Variants in SLC24A4 observed in about 807,000 individuals in gnomAD.
SLC24A4 encodes sodium/potassium/calcium exchanger 4.
A neutral mutation model predicts 79.0 loss-of-function variants in SLC24A4; 53 were observed. The observed-to-expected ratio is 0.67, with a 90% CI of 0.54 to 0.84. The LOEUF (loss-of-function observed/expected upper bound fraction) is 0.84. SLC24A4 is among the 40% of genes least tolerant of loss of function. SLC24A4 has a pLI of 0.00. For missense variants in SLC24A4, 731 were observed against 822.0 expected (o/e 0.89, Z 1.35); for synonymous variants, 323 against 323.8 (o/e 1.00, Z 0.03).
intron 3 of SLC24A4, among the ~76,000 whole-genome samples, chr14:92,434,277 G>A (rs1037091428): frequency 6.6e-6 from 1 of 152,134 alleles, no homozygotes; most frequent in Non-Finnish European, 1.5e-5. Context: ...ATTACAGAGT[G>A]TGAATATGAG....
chr14:92,397,585 G>C (rs1286907233), intron 2 of SLC24A4, among the ~76,000 whole-genome samples: 1 of 152,212 alleles, frequency 6.6e-6, no homozygotes, highest in African/African-American at 2.4e-5. Context: ...GCACACAGCG[G>C]GAGGGGCAGT....
intron 5 of SLC24A4, 74 bp from the exon 6 acceptor site, chr14:92,442,639 A>C: frequency 9.4e-7 from 1 of 1,062,866 alleles, no homozygotes; most frequent in Non-Finnish European, 1.5e-6. Context: ...CTTTCCTGTG[A>C]AAGGGGGACA....
intron 2 of SLC24A4, among the ~76,000 whole-genome samples, chr14:92,395,171 C>T (rs946519993): frequency 6.6e-6 from 1 of 152,124 alleles, no homozygotes; most frequent in Non-Finnish European, 1.5e-5. Context: ...CAGCCTGGGA[C>T]CATCCTTTTG....
chr14:92,459,638 ATG>A (rs1301893027), intron 12 of SLC24A4, among the ~76,000 whole-genome samples: 1 of 152,048 alleles, frequency 6.6e-6, no homozygotes, highest in Non-Finnish European at 1.5e-5. Flanking sequence ...GCGTCTGCGG[ATG>A]TGTTTCCAGG....
At chr14:92,339,674 G>A (rs1022803304) in intron 2 of SLC24A4, among the ~76,000 whole-genome samples, 1 of 152,214 alleles carries the variant, frequency 6.6e-6, no homozygotes, top group African/African-American at 2.4e-5. Context: ...TGTAATGTAC[G>A]TTGGAACCAA....
chr14:92,345,677 G>A (rs932436504), intron 2 of SLC24A4, among the ~76,000 whole-genome samples: 1 of 152,124 alleles, frequency 6.6e-6, no homozygotes, highest in African/African-American at 2.4e-5. Flanking sequence ...ACTGCGGCCT[G>A]GGTGACAGAG....
chr14:92,367,493 G>C (rs928322649), intron 2 of SLC24A4, among the ~76,000 whole-genome samples: 2 of 152,210 alleles, frequency 1.3e-5, no homozygotes, highest in Non-Finnish European at 2.9e-5. Flanking sequence ...TTATCCCAAG[G>C]TTGGTCTCCG....
chr14:92,455,044 G>A (rs531478022), intron 11 of SLC24A4, among the ~76,000 whole-genome samples: 1 of 152,300 alleles, frequency 6.6e-6, no homozygotes, highest in African/African-American at 2.4e-5. Flanking sequence ...ATAGGTTTTG[G>A]TAAGTTGCTG....
At chr14:92,366,946 T>C (rs1280653215) in intron 2 of SLC24A4, among the ~76,000 whole-genome samples, 1 of 152,108 alleles carries the variant, frequency 6.6e-6, no homozygotes, top group African/African-American at 2.4e-5. Context: ...GAACGGGGTG[T>C]CTTGTTCTGG....
intron 2 of SLC24A4, among the ~76,000 whole-genome samples, chr14:92,395,307 T>G (rs1889700803): frequency 6.6e-6 from 1 of 152,114 alleles, no homozygotes; most frequent in African/African-American, 2.4e-5. Context: ...CCCCGTTGCC[T>G]GGAGCACTGC....
At chr14:92,416,125 G>A (rs12435822) in intron 2 of SLC24A4, among the ~76,000 whole-genome samples, 41,311 of 106,878 alleles carry the variant, frequency 0.39, 6,248 homozygotes, top group Non-Finnish European at 0.41. Context: ...TGTGTGTGGT[G>A]TGTGTGTGTG....
intron 2 of SLC24A4, among the ~76,000 whole-genome samples, chr14:92,377,727 G>C (rs1337735439): frequency 6.6e-6 from 1 of 152,176 alleles, no homozygotes; most frequent in African/African-American, 2.4e-5. Context: ...GAATGTGCCA[G>C]TGGGCTAGGC....
intron 2 of SLC24A4, among the ~76,000 whole-genome samples, chr14:92,365,349 C>T (rs1181138014): frequency 6.6e-6 from 1 of 152,242 alleles, no homozygotes; most frequent in African/African-American, 2.4e-5. Context: ...CAAGCCTTGC[C>T]ATGGTCCTGG....
intron 2 of SLC24A4, among the ~76,000 whole-genome samples, chr14:92,384,747 T>C (rs987702936): frequency 1.3e-5 from 2 of 152,172 alleles, no homozygotes; most frequent in African/African-American, 4.8e-5. Context: ...AGTGACCTAC[T>C]GGCAGGATGC....
chr14:92,487,831 G>A (rs1191327735), intron 14 of SLC24A4, among the ~76,000 whole-genome samples: 1 of 152,132 alleles, frequency 6.6e-6, no homozygotes, highest in South Asian at 2.1e-4. Context: ...GGCTCTAGGG[G>A]AGGAACCTTC....
intron 7 of SLC24A4, among the ~76,000 whole-genome samples, chr14:92,444,850 G>A (rs772433105): frequency 2.0e-5 from 3 of 151,224 alleles, no homozygotes; most frequent in African/African-American, 4.9e-5. Context: ...GCAAGACTAC[G>A]TCTCAAAAAC....
chr14:92,429,912 T>C (rs1891769292), intron 2 of SLC24A4, among the ~76,000 whole-genome samples: 2 of 152,226 alleles, frequency 1.3e-5, no homozygotes, highest in Admixed American at 6.5e-5. Context: ...GCTGGCTGCA[T>C]GTTCCCCAAC....
At chr14:92,368,729 C>T (rs1252924643) in intron 2 of SLC24A4, among the ~76,000 whole-genome samples, 1 of 152,064 alleles carries the variant, frequency 6.6e-6, no homozygotes, top group Non-Finnish European at 1.5e-5. Flanking sequence ...CAGGGGGAGC[C>T]AAAAACAGGA....
At chr14:92,358,697 T>G (rs1887321204) in intron 2 of SLC24A4, among the ~76,000 whole-genome samples, 1 of 111,828 alleles carries the variant, frequency 8.9e-6, no homozygotes, top group Admixed American at 9.4e-5. Context: ...CATCTACTCT[T>G]TTTTTTTTTT....
Sources: allele counts gnomAD v4.1 joint callset (sites outside exome capture counted in the v4.1 genomes callset), GRCh38; gene constraint gnomAD v4.1.1; transcripts MANE v1.5; gene names NCBI Gene and HGNC (gene_info 2026-07-23, HGNC 2026-07-21).